The following ARIH2 variants were observed in gnomAD, a reference collection of about 807,000 sequenced individuals.
ARIH2 encodes ariadne RBR E3 ubiquitin protein ligase 2.
A neutral mutation model predicts 79.8 loss-of-function variants in ARIH2; 12 were observed. The observed-to-expected ratio is 0.15, with a 90% confidence interval of 0.10 to 0.24. The LOEUF (loss-of-function observed/expected upper bound fraction) is 0.24, where lower values mean the gene tolerates loss of function less well. Ranked by LOEUF, ARIH2 falls within the 10% of genes least tolerant of loss-of-function variation. The pLI is 1.00. For missense variants in ARIH2, 301 were observed against 618.3 expected, an observed-to-expected ratio of 0.49 and a Z score of 5.44; for synonymous variants, 224 against 213.9, an observed-to-expected ratio of 1.05 and a Z score of -0.41.
chr3:48,980,542 C>T, intron 13 of ARIH2, 46 bp downstream of exon 13: 1 of 1,596,712 alleles, frequency 6.3e-7, no homozygotes. Context: ...GTGCCTGGCT[C>T]CGTCAGGCAC....
chr3:48,961,468 A>G (rs1425584077), intron 3 of ARIH2, 144 bp from the exon 4 acceptor site: 2 of 523,578 alleles, frequency 3.8e-6, no homozygotes, highest in Non-Finnish European at 6.9e-6. Flanking sequence ...AACTTAAAAG[A>G]CAAAGCAGAG....
intron 3 of ARIH2, among the ~76,000 whole-genome samples, chr3:48,955,013 C>T (rs1318092542): frequency 6.6e-6 from 1 of 152,134 alleles, no homozygotes; most frequent in Non-Finnish European, 1.5e-5. Flanking sequence ...GCCTGGCCAA[C>T]ATGGTGAAAT....
intron 8 of ARIH2, among the ~76,000 whole-genome samples, chr3:48,971,953 C>T (rs4974078): frequency 0.44 from 67,536 of 152,094 alleles, 17,316 homozygotes; most frequent in East Asian, 0.95. Flanking sequence ...CCTAGCCCGA[C>T]GAATATTGGA....
Position 48,961,142 on chromosome 3 carries a change from A to G in ARIH2, c.256-470A>G, listed in dbSNP as rs188040628. On this transcript the variant is annotated intron_variant, in intron 3 of 15. Transcript: ENST00000356401. ...ATTTTAAACTGAGTTTTGGGTTTTT[A>G]TATTTTGTTTGTTGTTTTCTGGTGT... 2.2e-3 allele frequency among the ~76,000 whole-genome samples: 334 copies of G among 152,224 alleles called. 2 individuals carry two copies. The highest frequency in any genetic ancestry group is 9.9e-3 in the Admixed American group (152 of 15,290).
At chr3:48,969,002 G>A (rs1011794157) in intron 7 of ARIH2, among the ~76,000 whole-genome samples, 1 of 152,106 alleles carries the variant, frequency 6.6e-6, no homozygotes, top group Non-Finnish European at 1.5e-5. Context: ...TCCTGCCTCA[G>A]CCTCCCGAGT....
intron 3 of ARIH2, 95 bp from the exon 4 acceptor site, chr3:48,961,517 G>C: frequency 1.4e-6 from 1 of 710,808 alleles, no homozygotes; most frequent in Non-Finnish European, 2.4e-6. Flanking sequence ...CCTGGGCTTG[G>C]CATAATAGAC....
chr3:48,971,489 C>A (rs750749702), intron 8 of ARIH2, among the ~76,000 whole-genome samples: 1 of 152,190 alleles, frequency 6.6e-6, no homozygotes, highest in South Asian at 2.1e-4. Flanking sequence ...GTGATCTGCC[C>A]GCCTTGGGCT....
intron 3 of ARIH2, among the ~76,000 whole-genome samples, chr3:48,936,881 A>G (rs1045165159): frequency 6.6e-6 from 1 of 152,160 alleles, no homozygotes; most frequent in Non-Finnish European, 1.5e-5. Flanking sequence ...ACAAAAAATT[A>G]GCCGGGCATG....
At chr3:48,927,873 T>G in intron 3 of ARIH2, 60 bp downstream of exon 3, 1 of 1,573,826 alleles carries the variant, frequency 6.4e-7, no homozygotes, top group Non-Finnish European at 8.6e-7. Context: ...GATGAGCTGT[T>G]GTTAATTAAT....
At chr3:48,944,288 T>A (rs1559763448) in intron 3 of ARIH2, among the ~76,000 whole-genome samples, 1 of 151,138 alleles carries the variant, frequency 6.6e-6, no homozygotes, top group Non-Finnish European at 1.5e-5. Context: ...TTTTCATAAT[T>A]AAAAAAAAAT....
chr3:48,970,196 T>G (rs2092124317), intron 7 of ARIH2, among the ~76,000 whole-genome samples: 1 of 152,076 alleles, frequency 6.6e-6, no homozygotes, highest in Non-Finnish European at 1.5e-5. Flanking sequence ...CCGGCCTTGT[T>G]ATTTTTTATT....
chr3:48,956,485 T>C (rs1162060904), intron 3 of ARIH2, among the ~76,000 whole-genome samples: 1 of 121,916 alleles, frequency 8.2e-6, no homozygotes, highest in African/African-American at 3.1e-5. Context: ...AGAGACAGGG[T>C]TTTGCTGTGT....
chr3:48,973,247 T>C (rs922847977), intron 8 of ARIH2, among the ~76,000 whole-genome samples: 2 of 151,780 alleles, frequency 1.3e-5, no homozygotes, highest in African/African-American at 4.8e-5. Flanking sequence ...ATCAAGACTA[T>C]CCTGGCCAAC....
At chr3:48,940,428 G>A (rs1039611431) in intron 3 of ARIH2, among the ~76,000 whole-genome samples, 3 of 151,904 alleles carry the variant, frequency 2.0e-5, no homozygotes, top group Non-Finnish European at 1.5e-5. Context: ...GTCTGGATGC[G>A]GTGGCTCACT....
intron 7 of ARIH2, among the ~76,000 whole-genome samples, chr3:48,968,913 C>T (rs1367727539): frequency 2.6e-5 from 4 of 152,122 alleles, no homozygotes; most frequent in African/African-American, 7.2e-5. Context: ...GTGTGACTGC[C>T]TTGCTGTGTT....
chr3:48,962,387 CAGAA>C (rs1024869099), intron 4 of ARIH2, among the ~76,000 whole-genome samples: 2 of 151,320 alleles, frequency 1.3e-5, no homozygotes, highest in East Asian at 3.9e-4. Flanking sequence ...AAAAAAAAAA[CAGAA>C]AGAAAATATA....
chr3:48,956,209 G>A (rs1281973483), intron 3 of ARIH2, among the ~76,000 whole-genome samples: 1 of 151,574 alleles, frequency 6.6e-6, no homozygotes, highest in Non-Finnish European at 1.5e-5. Flanking sequence ...TACCATGTCG[G>A]CTCACTGCAA....
chr3:48,969,491 CTTT>C (rs369825308), intron 7 of ARIH2, among the ~76,000 whole-genome samples: 1 of 144,120 alleles, frequency 6.9e-6, no homozygotes. Context: ...TCTTTTTCTT[CTTT>C]TTTTTTTTTG....
chr3:48,972,631 C>T (rs921871160), intron 8 of ARIH2, among the ~76,000 whole-genome samples: 6 of 151,958 alleles, frequency 3.9e-5, no homozygotes, highest in Non-Finnish European at 7.4e-5. Context: ...GTGACAAGAG[C>T]GAAACTCCAT....
Sources: allele counts gnomAD v4.1 joint callset (sites outside exome capture counted in the v4.1 genomes callset), GRCh38; gene constraint gnomAD v4.1.1; transcripts MANE v1.5; gene names NCBI Gene and HGNC (gene_info 2026-07-23, HGNC 2026-07-21).